Variants in ZNF600 observed in about 807,000 individuals in gnomAD.
ZNF600 encodes zinc finger protein 600.
In ZNF600, 4 loss-of-function variants were observed where a neutral mutation model predicts 7.3. The ratio of observed to expected loss-of-function variants is 0.55; its 90% CI spans 0.27 to 1.25. The LOEUF (loss-of-function observed/expected upper bound fraction) is 1.25, where lower values mean the gene tolerates loss of function less well. ZNF600 is among the 50% of genes most tolerant of loss of function. The pLI is 0.12. For synonymous variants in ZNF600, 290 were observed against 308.9 expected (o/e 0.94, Z 0.64); for missense variants, 911 against 922.1 (o/e 0.99, Z 0.16).
At chr19:52,830,340 T>C in the ZNF600 span, among the ~76,000 whole-genome samples, 1 of 151,908 alleles carries the variant, frequency 6.6e-6, no homozygotes, top group Admixed American at 6.6e-5. Flanking sequence ...CTCAAATAAG[T>C]ACAGCAGGCC....
chr19:52,816,059 C>T, the ZNF600 span, among the ~76,000 whole-genome samples: 4 of 147,200 alleles, frequency 2.7e-5, no homozygotes, highest in Admixed American at 2.0e-4. Flanking sequence ...ACAGCTAACA[C>T]AGAACTGACA....
intron 1 of ZNF600, among the ~76,000 whole-genome samples, chr19:52,784,030 G>A (rs1042662813): frequency 2.6e-5 from 4 of 152,068 alleles, no homozygotes; most frequent in South Asian, 2.1e-4. Flanking sequence ...AGCCAAGATC[G>A]TGCCAGTGCA....
At chr19:52,789,285 A>T (rs1234989448), upstream of ZNF600, among the ~76,000 whole-genome samples, 1 of 152,230 alleles carries the variant, frequency 6.6e-6, no homozygotes, top group Non-Finnish European at 1.5e-5. Context: ...GCATGGTTAC[A>T]GTAGAGGTAG....
At chr19:52,816,883 G>C in the ZNF600 span, among the ~76,000 whole-genome samples, 4 of 136,768 alleles carry the variant, frequency 2.9e-5, no homozygotes, top group Non-Finnish European at 4.7e-5. Flanking sequence ...AACGTGGAAT[G>C]AGAATACAGC....
intron 1 of ZNF600, among the ~76,000 whole-genome samples, chr19:52,783,835 C>T (rs887185695): frequency 7.9e-5 from 12 of 151,814 alleles, no homozygotes; most frequent in African/African-American, 2.4e-4. Flanking sequence ...TTGTTGCCCA[C>T]GCTGAAGTCC....
chr19:52,830,276 A>C, the ZNF600 span, among the ~76,000 whole-genome samples: 1 of 151,988 alleles, frequency 6.6e-6, no homozygotes, highest in African/African-American at 2.4e-5. Flanking sequence ...CCATCTCAAA[A>C]AACAAACAAA....
At chr19:52,782,045 A>C (rs1269262572) in intron 1 of ZNF600, among the ~76,000 whole-genome samples, 1 of 151,140 alleles carries the variant, frequency 6.6e-6, no homozygotes, top group Non-Finnish European at 1.5e-5. Flanking sequence ...TGGGTGACAG[A>C]GAGTCTCAAT....
the ZNF600 span, chr19:52,818,059 G>A: frequency 1.3e-6 from 2 of 1,570,432 alleles, no homozygotes; most frequent in South Asian, 1.1e-5. Context: ...GTTGTTTATT[G>A]CTCAGAATCA....
intron 2 of ZNF600, among the ~76,000 whole-genome samples, chr19:52,777,658 C>T (rs1235593019): frequency 1.3e-4 from 19 of 151,910 alleles, no homozygotes; most frequent in African/African-American, 4.4e-4. Context: ...GGTGAAACCC[C>T]GTCTCAAATA....
At chr19:52,776,222 C>G (rs2062674129) in intron 2 of ZNF600, among the ~76,000 whole-genome samples, 1 of 151,614 alleles carries the variant, frequency 6.6e-6, no homozygotes, top group African/African-American at 2.4e-5. Context: ...AACACAAGCA[C>G]TGAATCCAGA....
intron 1 of ZNF600, among the ~76,000 whole-genome samples, chr19:52,782,485 T>C (rs2062730866): frequency 6.6e-6 from 1 of 151,512 alleles, no homozygotes; most frequent in South Asian, 2.1e-4. Flanking sequence ...ATCACGCCAT[T>C]GCACTTCAGC....
the ZNF600 span, chr19:52,800,257 T>G: frequency 6.2e-7 from 1 of 1,613,652 alleles, no homozygotes; most frequent in Non-Finnish European, 8.5e-7. Flanking sequence ...CTAAAAACCT[T>G]GCCACATTCA....
chr19:52,767,702 T>C, exon 4 of ZNF600: 1 of 1,613,184 alleles, frequency 6.2e-7, no homozygotes, highest in African/African-American at 1.3e-5. Context: ...GCAATGTCCC[T>C]GTGTGGATCA....
rs1483812577 is a variant in ZNF600, at chr19:52,782,212, T to C, written c.-19-3305A>G. Among the ~76,000 whole-genome samples, 8 of 151,670 alleles carry C rather than the reference T, an allele frequency of 5.3e-5. 1 individual carries two copies. The South Asian group carries it at 1.7e-3, about 32-fold the overall frequency. On this transcript the variant is annotated intron_variant, in intron 1 of 3. Coordinates refer to ENST00000648973, the Ensembl canonical transcript of ZNF600. The stretch of plus-strand genomic sequence containing the variant: ...CACTGCACTCCAGCCTGGACAGCAG[T>C]AAGAGTGTCTCAAAAAAATAAAAAT...
exon 4 of ZNF600, chr19:52,765,954 G>T: frequency 6.2e-7 from 1 of 1,614,062 alleles, no homozygotes; most frequent in Non-Finnish European, 8.5e-7. Flanking sequence ...GTGAATTCTG[G>T]TATGTCTTGC....
chr19:52,827,954 A>G, the ZNF600 span, among the ~76,000 whole-genome samples: 1 of 152,182 alleles, frequency 6.6e-6, no homozygotes, highest in African/African-American at 2.4e-5. Context: ...TGGCTACTGT[A>G]ATACCTGGCT....
the ZNF600 span, chr19:52,798,315 A>G: frequency 3.4e-6 from 1 of 296,720 alleles, no homozygotes; most frequent in East Asian, 1.0e-4. Context: ...CTCTTAACAT[A>G]AACAGTTTAA....
intron 2 of ZNF600, among the ~76,000 whole-genome samples, chr19:52,777,969 A>G (rs1039559955): frequency 2.6e-5 from 4 of 152,068 alleles, no homozygotes; most frequent in Admixed American, 6.6e-5. Context: ...TCTGAATTGT[A>G]CCATTGTACT....
chr19:52,832,457 A>T, the ZNF600 span, among the ~76,000 whole-genome samples: 1,959 of 151,516 alleles, frequency 0.013, 31 homozygotes, highest in African/African-American at 0.026. Flanking sequence ...TAGTCAGGCA[A>T]GGTGGCACAT....
Sources: allele counts gnomAD v4.1 joint callset (sites outside exome capture counted in the v4.1 genomes callset), GRCh38; gene constraint gnomAD v4.1.1; transcripts MANE v1.5; gene names NCBI Gene and HGNC (gene_info 2026-07-23, HGNC 2026-07-21).